The following CELF2 variants were observed in gnomAD, a reference collection of about 807,000 sequenced individuals.
CELF2 encodes the protein CUG triplet repeat RNA-binding protein 2.
CELF2 carries 8 observed loss-of-function variants against 62.6 expected under a neutral mutation model. The ratio of observed to expected loss-of-function variants is 0.13; its 90% CI spans 0.07 to 0.23. CELF2 has a LOEUF of 0.23. CELF2 is among the 10% of genes least tolerant of loss of function. The probability of loss-of-function intolerance (pLI) is 1.00; values close to 1 mark genes in which losing one functional copy is unlikely to be tolerated. For synonymous variants in CELF2, 258 were observed against 250.0 expected, an observed-to-expected ratio of 1.03 and a Z score of -0.30; for missense variants, 333 against 671.0, an observed-to-expected ratio of 0.50 and a Z score of 5.56.
rs1589937943 is a variant in CELF2, at chr10:11,255,247, C to T, written c.404-2491C>T. On this transcript the variant is annotated intron_variant, in intron 4 of 12. Transcript: ENST00000633077. The surrounding 1 kb of genome is among the most constrained non-coding windows in gnomAD (Gnocchi z 5.5). Reference sequence around the variant, plus strand: ...AGGTCAGGTCCTCAGCAGTCTCCCTCCCAGGAATTGGAGCCCGGGGTGCCT... The same window carrying T: ...AGGTCAGGTCCTCAGCAGTCTCCCTTCCAGGAATTGGAGCCCGGGGTGCCT... Among the ~76,000 whole-genome samples the T allele has an allele frequency of 6.6e-6, 1 of 152,210 alleles. No homozygotes were observed. The highest frequency in any genetic ancestry group is 2.4e-5 in the African/African-American group (1 of 41,462).
At chr10:10,486,331 G>A in the CELF2 span, among the ~76,000 whole-genome samples, 25 of 152,256 alleles carry the variant, frequency 1.6e-4, no homozygotes, top group East Asian at 4.4e-3. Flanking sequence ...TTAGAAACTG[G>A]CCCCATAATG....
At chr10:10,905,311 T>A (rs2063244082) in intron 1 of CELF2, among the ~76,000 whole-genome samples, 2 of 152,362 alleles carry the variant, frequency 1.3e-5, no homozygotes, top group Admixed American at 1.3e-4. Flanking sequence ...TTTCAGTATA[T>A]TCGTATCTTT....
the CELF2 span, among the ~76,000 whole-genome samples, chr10:10,658,283 A>G: frequency 6.6e-6 from 1 of 152,000 alleles, no homozygotes; most frequent in East Asian, 1.9e-4. Context: ...TGGCCTTGAG[A>G]GTGTTGAAAT....
chr10:10,508,126 G>A, the CELF2 span, among the ~76,000 whole-genome samples: 5 of 151,452 alleles, frequency 3.3e-5, no homozygotes, highest in Non-Finnish European at 7.4e-5. Context: ...GTTTATACTG[G>A]AACTCCTGGG....
chr10:10,734,673 A>G, the CELF2 span, among the ~76,000 whole-genome samples: 1 of 152,222 alleles, frequency 6.6e-6, no homozygotes, highest in Non-Finnish European at 1.5e-5. Flanking sequence ...GAGGTAAGAG[A>G]AAAGGGAAGG....
the CELF2 span, among the ~76,000 whole-genome samples, chr10:10,597,318 G>A: frequency 6.6e-6 from 1 of 152,194 alleles, no homozygotes; most frequent in African/African-American, 2.4e-5. Context: ...ATGACATTAT[G>A]AACAATGGCA....
rs563024562 is a variant in CELF2, at chr10:10,903,501, G to A, written c.54-16463G>A. Reference sequence around the variant, plus strand: ...AACAGATAAAGAAGAAATTGATCACGTTTCTTATAAAAAGAGTCCGAAAGG... The same window carrying A: ...AACAGATAAAGAAGAAATTGATCACATTTCTTATAAAAAGAGTCCGAAAGG... On this transcript the variant is annotated intron_variant, in intron 1 of 13. Transcript: ENST00000636488. 3.9e-5 allele frequency among the ~76,000 whole-genome samples: 6 copies of A among 152,228 alleles called. No homozygotes were observed. In the East Asian group the frequency reaches 9.7e-4, roughly 24 times the overall value.
chr10:11,166,502 A>G (rs1199535940), intron 2 of CELF2, among the ~76,000 whole-genome samples: 5 of 151,452 alleles, frequency 3.3e-5, no homozygotes, highest in African/African-American at 1.2e-4. Flanking sequence ...TAAAATATCT[A>G]CTCTGCTGCT....
At chr10:10,532,061 A>T in the CELF2 span, among the ~76,000 whole-genome samples, 1 of 152,364 alleles carries the variant, frequency 6.6e-6, no homozygotes, top group Non-Finnish European at 1.5e-5. Flanking sequence ...TTAAGCCTCA[A>T]GTATTCCATA....
chr10:10,594,951 T>C, the CELF2 span, among the ~76,000 whole-genome samples: 1 of 152,200 alleles, frequency 6.6e-6, no homozygotes, highest in East Asian at 1.9e-4. Context: ...TCAGAAAGTC[T>C]TCCAGGCAGA....
chr10:10,657,658 T>A, the CELF2 span, among the ~76,000 whole-genome samples: 3 of 152,122 alleles, frequency 2.0e-5, no homozygotes, highest in African/African-American at 7.2e-5. Context: ...CAAACAATAC[T>A]ACACATGCCT....
intron 2 of CELF2, chr10:11,169,022 C>T (rs201938347): frequency 6.6e-6 from 1 of 152,074 alleles, no homozygotes; most frequent in African/African-American, 2.4e-5. Flanking sequence ...ATTGGAGAAC[C>T]CTAAATTTAA....
chr10:10,506,350 C>T, the CELF2 span, among the ~76,000 whole-genome samples: 1 of 151,632 alleles, frequency 6.6e-6, no homozygotes, highest in East Asian at 1.9e-4. Flanking sequence ...TATTCCAACT[C>T]ATTCTGAATT....
rs2094862748 is a variant in CELF2 at position 11,315,187 on chromosome 10, T to A, written c.1096+929T>A. On this transcript the variant is annotated intron_variant, in intron 10 of 12. Transcript: ENST00000633077. This position sits in a 1 kb window ranked among gnomAD's most constrained non-coding sequence, Gnocchi z 5.8. ...ACAGCGGGGACATGTAATTTCCCTG[T>A]CCCTCCGTTTCAGATCCCCTGGTTG... Among the ~76,000 whole-genome samples the A allele has an allele frequency of 6.6e-6, 1 of 152,076 alleles. No homozygotes were observed. The highest frequency in any genetic ancestry group is 1.5e-5 in the Non-Finnish European group (1 of 68,032).
chr10:11,295,807 C>T (rs1296805054), intron 9 of CELF2, among the ~76,000 whole-genome samples: 1 of 152,130 alleles, frequency 6.6e-6, no homozygotes, highest in Non-Finnish European at 1.5e-5. Context: ...CATTGATCAT[C>T]CTGCTTCTAA....
At chr10:11,235,801 GT>G (rs1044269727) in intron 3 of CELF2, among the ~76,000 whole-genome samples, 5 of 147,274 alleles carry the variant, frequency 3.4e-5, no homozygotes, top group South Asian at 2.3e-4. Flanking sequence ...TAGGAGAGAA[GT>G]TTTTTTTGGG....
the CELF2 span, among the ~76,000 whole-genome samples, chr10:10,710,570 G>A: frequency 0.21 from 32,007 of 152,126 alleles, 3,646 homozygotes; most frequent in South Asian, 0.42. Context: ...AACAGTTTGG[G>A]TGAAAATCAA....
At chr10:10,699,632 C>T in the CELF2 span, among the ~76,000 whole-genome samples, 1 of 152,068 alleles carries the variant, frequency 6.6e-6, no homozygotes, top group Non-Finnish European at 1.5e-5. Context: ...GGAAGCACCT[C>T]GCAGACAGAG....
chr10:10,724,408 C>T, the CELF2 span, among the ~76,000 whole-genome samples: 2 of 152,112 alleles, frequency 1.3e-5, no homozygotes, highest in African/African-American at 4.8e-5. Context: ...GTAATCCCAC[C>T]ATTTTCAGAG....
Sources: allele counts gnomAD v4.1 joint callset (sites outside exome capture counted in the v4.1 genomes callset), GRCh38; gene constraint gnomAD v4.1.1; non-coding constraint Gnocchi (gnomAD v3.1); transcripts MANE v1.5; gene names NCBI Gene and HGNC (gene_info 2026-07-23, HGNC 2026-07-21).